The following EPHA6 variants were observed in gnomAD, a reference collection of about 807,000 sequenced individuals.
The protein encoded by EPHA6 is ephrin type-A receptor 6.
Under a neutral mutation model 112.0 loss-of-function variants are expected in EPHA6, and 50 were observed. The observed-to-expected ratio is 0.45, with a 90% CI of 0.36 to 0.56. The LOEUF (loss-of-function observed/expected upper bound fraction) is 0.56. Ranked by LOEUF, EPHA6 falls within the 20% of genes least tolerant of loss-of-function variation. EPHA6 has a pLI of 0.00. For missense variants in EPHA6, 1,280 were observed against 1,417.4 expected (o/e 0.90, Z 1.56); for synonymous variants, 529 against 490.7 (o/e 1.08, Z -1.03).
At chr3:97,030,027 A>G (rs1355348214) in intron 3 of EPHA6, among the ~76,000 whole-genome samples, 2 of 152,084 alleles carry the variant, frequency 1.3e-5, no homozygotes. Flanking sequence ...ATCCAGAAGG[A>G]TAAAGTGACA....
At chr3:97,742,594 A>T (rs1320898705) in intron 16 of EPHA6, among the ~76,000 whole-genome samples, 1 of 152,182 alleles carries the variant, frequency 6.6e-6, no homozygotes, top group Non-Finnish European at 1.5e-5. Context: ...CTGACAAAAG[A>T]TAATTAATGT....
intron 2 of EPHA6, among the ~76,000 whole-genome samples, chr3:96,979,465 G>A (rs1038138478): frequency 1.3e-5 from 2 of 152,110 alleles, no homozygotes; most frequent in Non-Finnish European, 2.9e-5. Flanking sequence ...GGACATTTGG[G>A]TTGGTTCTAA....
At chr3:97,037,370 C>A (rs1001082251) in intron 3 of EPHA6, among the ~76,000 whole-genome samples, 1 of 151,920 alleles carries the variant, frequency 6.6e-6, no homozygotes, top group Non-Finnish European at 1.5e-5. Flanking sequence ...AAGTAGATGG[C>A]GGTTTGACTG....
chr3:97,575,600 G>T (rs2093375172), intron 11 of EPHA6, among the ~76,000 whole-genome samples: 1 of 152,196 alleles, frequency 6.6e-6, no homozygotes, highest in Non-Finnish European at 1.5e-5. Flanking sequence ...AATTGTCATT[G>T]TTCTAAGTTG....
At chr3:97,354,305 T>G (rs2083956077) in intron 5 of EPHA6, among the ~76,000 whole-genome samples, 1 of 152,114 alleles carries the variant, frequency 6.6e-6, no homozygotes, top group Non-Finnish European at 1.5e-5. Context: ...ATAAGGTAAC[T>G]GTGACCAATC....
intron 3 of EPHA6, among the ~76,000 whole-genome samples, chr3:97,161,604 G>A (rs1017989320): frequency 1.3e-5 from 2 of 152,096 alleles, no homozygotes; most frequent in Non-Finnish European, 2.9e-5. Context: ...CCCACAAGGC[G>A]CTGTGCCTTT....
chr3:96,914,025 C>CT lies in EPHA6; in HGVS notation c.450+47137dup, dbSNP rs1307229308. ...ATGATCAACAATGTTAAATATGCGC[C>CT]TAACGATATGAATTTCTCTTATTAC... On this transcript the variant is annotated intron_variant, in intron 2 of 17. Coordinates refer to ENST00000389672, the MANE Select transcript of EPHA6 (RefSeq NM_001080448.3). Among the ~76,000 whole-genome samples the CT allele has an allele frequency of 3.9e-5, 6 of 152,078 alleles. No homozygotes were observed. In the East Asian group the frequency reaches 1.2e-3, roughly 29 times the overall value.
intron 3 of EPHA6, among the ~76,000 whole-genome samples, chr3:97,192,070 C>G (rs542244924): frequency 6.6e-6 from 1 of 152,222 alleles, no homozygotes; most frequent in East Asian, 1.9e-4. Context: ...ATTTGCATTT[C>G]TGTGATAATC....
At chr3:97,344,869 CAG>C (rs1208180341) in intron 5 of EPHA6, among the ~76,000 whole-genome samples, 2 of 151,580 alleles carry the variant, frequency 1.3e-5, no homozygotes, top group Non-Finnish European at 2.9e-5. Context: ...GAGACACACA[CAG>C]AGAGAGGGAG....
chr3:97,711,037 A>G (rs1476558039), intron 14 of EPHA6, among the ~76,000 whole-genome samples: 1 of 152,132 alleles, frequency 6.6e-6, no homozygotes, highest in African/African-American at 2.4e-5. Context: ...CTGTGTCTCC[A>G]CCCAAATTTC....
Position 97,751,799 on chromosome 3 carries a change from C to T in EPHA6, c.*3098C>T, listed in dbSNP as rs1290701686. On this transcript the variant is annotated 3_prime_UTR_variant, in exon 18 of 18. Transcript: ENST00000389672. The stretch of plus-strand genomic sequence containing the variant: ...AAAATATGCATATAGACTCACATAC[C>T]TACTTTATTTTAAATGTCTTGATCT... Among the ~76,000 whole-genome samples, 2 of 152,000 alleles carry T rather than the reference C, an allele frequency of 1.3e-5. No homozygotes were observed. The highest frequency in any genetic ancestry group is 4.8e-5 in the African/African-American group (2 of 41,384).
chr3:97,540,484 T>G (rs956014700), intron 11 of EPHA6, among the ~76,000 whole-genome samples: 1 of 152,228 alleles, frequency 6.6e-6, no homozygotes, highest in Non-Finnish European at 1.5e-5. Flanking sequence ...ACTCTTTCTG[T>G]ATGCAGGAAT....
intron 2 of EPHA6, among the ~76,000 whole-genome samples, chr3:96,885,839 G>A (rs575766650): frequency 1.3e-5 from 2 of 152,088 alleles, no homozygotes; most frequent in African/African-American, 4.8e-5. Flanking sequence ...TGCTCCTTCA[G>A]TCTTTTTGTT....
chr3:97,272,473 C>G (rs548402596), intron 5 of EPHA6, among the ~76,000 whole-genome samples: 1 of 152,094 alleles, frequency 6.6e-6, no homozygotes, highest in Non-Finnish European at 1.5e-5. Flanking sequence ...TCACTTGCGT[C>G]CGTGTGAAGA....
intron 10 of EPHA6, 52 bp downstream of exon 10, chr3:97,484,111 A>T: frequency 6.5e-7 from 1 of 1,534,188 alleles, no homozygotes; most frequent in Non-Finnish European, 8.8e-7. Flanking sequence ...TTTCTTTGTA[A>T]CTGGTTTATC....
intron 6 of EPHA6, among the ~76,000 whole-genome samples, chr3:97,419,623 TCACA>T (rs113526453): frequency 2.7e-5 from 4 of 149,668 alleles, no homozygotes; most frequent in African/African-American, 4.9e-5. Flanking sequence ...AGACTCCCTC[TCACA>T]CACACACACA....
chr3:97,266,072 T>C (rs1350169427), intron 5 of EPHA6, among the ~76,000 whole-genome samples: 2 of 152,222 alleles, frequency 1.3e-5, no homozygotes, highest in Non-Finnish European at 2.9e-5. Context: ...AAGACCTACA[T>C]GTTTTCTTCA....
intron 14 of EPHA6, among the ~76,000 whole-genome samples, chr3:97,680,532 A>T (rs568369083): frequency 6.6e-6 from 1 of 152,210 alleles, no homozygotes; most frequent in Non-Finnish European, 1.5e-5. Flanking sequence ...GAATCACTCA[A>T]CAAATGTGAA....
intron 11 of EPHA6, among the ~76,000 whole-genome samples, chr3:97,544,858 G>C (rs1223161039): frequency 6.6e-6 from 1 of 152,150 alleles, no homozygotes; most frequent in Admixed American, 6.5e-5. Context: ...ATTTCTTCTA[G>C]ATTTTCTAGT....
Sources: gnomAD v4.1 joint callset for allele counts (sites outside exome capture counted in the v4.1 genomes callset) on GRCh38, gnomAD v4.1.1 for gene constraint, MANE v1.5 for transcripts, NCBI Gene and HGNC (gene_info 2026-07-23, HGNC 2026-07-21) for gene names.